Variants in TMC5 observed in about 807,000 individuals in gnomAD.
The protein encoded by TMC5 is transmembrane channel like 5.
Under a neutral mutation model 110.5 loss-of-function variants are expected in TMC5, and 86 were observed. The observed-to-expected ratio is 0.78, with a 90% CI of 0.65 to 0.93. The LOEUF is 0.93. Among genes scored for constraint, TMC5 ranks in the 40% least tolerant of loss-of-function variants. The pLI is 0.00. For synonymous variants in TMC5, 455 were observed against 439.5 expected, an observed-to-expected ratio of 1.04 and a Z score of -0.44; for missense variants, 1,144 against 1,222.8, an observed-to-expected ratio of 0.94 and a Z score of 0.96.
chr16:19,486,876 C>A, intron 15 of TMC5, 69 bp from the exon 16 acceptor site: 1 of 1,392,622 alleles, frequency 7.2e-7, no homozygotes, highest in Non-Finnish European at 1.0e-6. Flanking sequence ...TTCCCCCCAA[C>A]CATCCCAGAT....
chr16:19,434,397 T>TATAG lies in TMC5; in HGVS notation c.-80+3760_-80+3761insGATA, dbSNP rs1967289375. Reference sequence around the variant, plus strand: ...AGATCTATATATAATATAGATATAATATATATATCATATATATCTATATAT... The same window carrying TATAG: ...AGATCTATATATAATATAGATATAATATAGATATATATCATATATATCTATATAT... On this transcript the variant is annotated intron_variant, in intron 2 of 21. Coordinates refer to ENST00000542583, the MANE Select transcript of TMC5 (RefSeq NM_001261841.2). Among the ~76,000 whole-genome samples the TATAG allele has an allele frequency of 9.6e-5, 4 of 41,848 alleles. 1 individual carries two copies. The East Asian group carries it at 5.4e-3, about 56-fold the overall frequency. The allele number at this position is 41,848 out of a possible 152,430, so 27.5% of individuals were successfully genotyped here. A position where few individuals can be genotyped will look rare whatever the true frequency, so the allele number is the denominator to read the frequency against.
intron 17 of TMC5, among the ~76,000 whole-genome samples, chr16:19,490,121 C>T (rs573153291): frequency 6.6e-6 from 1 of 152,072 alleles, no homozygotes; most frequent in Non-Finnish European, 1.5e-5. Flanking sequence ...TCTGACTGCC[C>T]CCATTCATAT....
intron 3 of TMC5, 77 bp from the exon 4 acceptor site, chr16:19,443,996 AATGGATGG>A (rs144130376): frequency 0.75 from 868,485 of 1,156,640 alleles, 334,654 homozygotes; most frequent in South Asian, 0.85. Context: ...TACATGATTG[AATGGATGG>A]ATGGATGGAT....
At position 19,474,274 on chromosome 16, in the gene TMC5, C is replaced by T; in HGVS notation, c.2088C>T (p.Ile696=). 1 of 1,613,560 alleles carries T rather than the reference C, an allele frequency of 6.2e-7. No individual in the cohort carries two copies. Among genetic ancestry groups the T allele is most frequent in the Non-Finnish European group, 8.5e-7 (1 of 1,179,738 alleles). The part of the protein sequence containing the change: ...MPRHEVYVLL[I]RNIFLKISII... ...GGCACGAAGTCTACGTTCTCCTGAT[C>T]CGGTAGGTGATGTGTCGCGCCCAAC... The change falls in exon 12 of 22, where the codon ATC becomes ATT. Residue 696 remains isoleucine, a splice_region_variant and synonymous_variant. Transcript: ENST00000542583.
At position 19,474,160 on chromosome 16, in the gene TMC5, G is replaced by C; in HGVS notation, c.1974G>C (p.Leu658=). 6.2e-7 allele frequency: 1 copy of C among 1,614,034 alleles called. No individual in the cohort carries two copies. Among genetic ancestry groups the C allele is most frequent in the Non-Finnish European group, 8.5e-7 (1 of 1,180,006 alleles). Residue 658 remains leucine (L), a synonymous_variant, in exon 12 of 22, where the codon CTG becomes CTC. Transcript: ENST00000542583. ...LKTHSNPGAV[L]LLPFVVSCIN... ...CACACAGTAACCCTGGGGCGGTGCTGTTACTGCCTTTCGTTGTGTCCTGCA... is the reference window on the plus strand; with the variant it reads ...CACACAGTAACCCTGGGGCGGTGCTCTTACTGCCTTTCGTTGTGTCCTGCA...
At chr16:19,451,430 C>A (rs892432825) in intron 5 of TMC5, among the ~76,000 whole-genome samples, 21 of 152,032 alleles carry the variant, frequency 1.4e-4, no homozygotes, top group Non-Finnish European at 4.4e-5. Flanking sequence ...TATTTGGTCC[C>A]CACTGGGGCA....
At chr16:19,424,635 G>T (rs539994119) in intron 1 of TMC5, among the ~76,000 whole-genome samples, 159 of 152,238 alleles carry the variant, frequency 1.0e-3, no homozygotes, top group African/African-American at 3.6e-3. Context: ...GGTGACAAGA[G>T]TGAAACTCTG....
intron 2 of TMC5, among the ~76,000 whole-genome samples, chr16:19,433,554 T>C (rs527910532): frequency 1.3e-5 from 2 of 152,310 alleles, no homozygotes; most frequent in South Asian, 4.1e-4. Context: ...CATTACATTG[T>C]TATTCGATCC....
chr16:19,427,078 CT>C (rs35370933), intron 1 of TMC5, among the ~76,000 whole-genome samples: 74,687 of 151,832 alleles, frequency 0.49, 21,169 homozygotes, highest in South Asian at 0.71. Context: ...ATGTGCCCCC[CT>C]CTCCAGCAGG....
rs184474778 is a variant in TMC5 at position 19,466,261 on chromosome 16, C to A, written c.1637+28C>A. 1.4e-5 allele frequency: 22 copies of A among 1,610,218 alleles called. No individual in the cohort carries two copies. The East Asian group carries it at 4.7e-4, about 34-fold the overall frequency. ...ATGGAAGCATCTACATTTCCTGATT[C>A]TGAGGGTCATGTTAGATTTCAGCAA... On this transcript the variant is annotated intron_variant, in intron 9 of 21. Transcript: ENST00000542583.
At chr16:19,469,008 A>G (rs1968256704) in intron 9 of TMC5, among the ~76,000 whole-genome samples, 1 of 152,056 alleles carries the variant, frequency 6.6e-6, no homozygotes, top group African/African-American at 2.4e-5. Context: ...AACAGAAAAC[A>G]CAAAAACAAG....
intron 18 of TMC5, 84 bp from the exon 19 acceptor site, chr16:19,492,066 A>G: frequency 9.2e-7 from 1 of 1,091,394 alleles, no homozygotes; most frequent in Non-Finnish European, 1.4e-6. Context: ...GCAAGCACAG[A>G]TTCCAGTTCC....
At chr16:19,443,655 G>GTGGAA (rs981392456) in intron 3 of TMC5, among the ~76,000 whole-genome samples, 3 of 152,154 alleles carry the variant, frequency 2.0e-5, no homozygotes, top group Admixed American at 1.3e-4. Context: ...GTCTGCATTT[G>GTGGAA]TGGAATGGAA....
intron 4 of TMC5, 109 bp downstream of exon 4, chr16:19,444,359 C>A: frequency 2.0e-6 from 2 of 984,930 alleles, no homozygotes; most frequent in Non-Finnish European, 3.0e-6. Context: ...GTGTATCCTT[C>A]CAATCTCAGA....
At position 19,417,909 on chromosome 16, in the gene TMC5, C is replaced by G. The variant is rs1260519477; in HGVS notation, c.-491C>G. On this transcript the variant is annotated 5_prime_UTR_variant, in exon 1 of 22. Transcript: ENST00000542583. ...CCCCTTCCCGTGATCTTCGTGGCTTCCCGCCCAGACGTGTGACCAAGATAG... is the reference window on the plus strand; with the variant it reads ...CCCCTTCCCGTGATCTTCGTGGCTTGCCGCCCAGACGTGTGACCAAGATAG... 1.3e-5 allele frequency: 2 copies of G among 152,176 alleles called. No homozygotes were observed. Among genetic ancestry groups the G allele is most frequent in the Admixed American group, 6.6e-5 (1 of 15,266 alleles). The allele number at this position is 152,176 out of a possible 1,614,324, so 9.4% of individuals were successfully genotyped here.
At chr16:19,444,708 C>T (rs1967573188) in intron 4 of TMC5, among the ~76,000 whole-genome samples, 1 of 152,214 alleles carries the variant, frequency 6.6e-6, no homozygotes, top group South Asian at 2.1e-4. Context: ...TGTAGTTTAG[C>T]ATATCCTAAA....
chr16:19,426,716 A>T (rs1967094464), intron 1 of TMC5, among the ~76,000 whole-genome samples: 1 of 152,222 alleles, frequency 6.6e-6, no homozygotes, highest in Non-Finnish European at 1.5e-5. Flanking sequence ...TGCTTTAAAA[A>T]GCAATTTAAT....
chr16:19,429,072 C>T (rs1020733740), intron 1 of TMC5, among the ~76,000 whole-genome samples: 19 of 152,134 alleles, frequency 1.2e-4, no homozygotes, highest in Middle Eastern at 3.2e-3. Flanking sequence ...GTGATCTGCC[C>T]ATCTCAGCCT....
intron 6 of TMC5, chr16:19,462,393 C>A: frequency 1.7e-6 from 1 of 598,598 alleles, no homozygotes; most frequent in Non-Finnish European, 3.0e-6. Context: ...GCAAAATCCC[C>A]CTAGGTTGAG....
Sources: gnomAD v4.1 joint callset for allele counts (sites outside exome capture counted in the v4.1 genomes callset) on GRCh38, gnomAD v4.1.1 for gene constraint, MANE v1.5 for transcripts, NCBI Gene and HGNC (gene_info 2026-07-23, HGNC 2026-07-21) for gene names.